Variants in KLHL1 observed in about 807,000 individuals in gnomAD.
KLHL1 encodes kelch-like protein 1.
In KLHL1, 47 loss-of-function variants were observed where a neutral mutation model predicts 77.7. The observed-to-expected ratio is 0.60, with a 90% CI of 0.48 to 0.77. The LOEUF is 0.77. KLHL1 is among the 30% of genes least tolerant of loss of function. KLHL1 has a pLI of 0.00. For synonymous variants in KLHL1, 360 were observed against 325.2 expected, an observed-to-expected ratio of 1.11 and a Z score of -1.15; for missense variants, 925 against 910.8, an observed-to-expected ratio of 1.02 and a Z score of -0.20.
intron 7 of KLHL1, among the ~76,000 whole-genome samples, chr13:69,768,168 C>T (rs537779421): frequency 6.6e-6 from 1 of 152,206 alleles, no homozygotes; most frequent in South Asian, 2.1e-4. Flanking sequence ...ATAGATCAAG[C>T]TTTCTTTAGC....
chr13:69,954,614 T>C (rs1319782906), intron 3 of KLHL1, among the ~76,000 whole-genome samples: 1 of 151,330 alleles, frequency 6.6e-6, no homozygotes, highest in African/African-American at 2.4e-5. Flanking sequence ...TACTCCTAAA[T>C]ATTAAAAGTC....
intron 7 of KLHL1, among the ~76,000 whole-genome samples, chr13:69,748,485 G>A (rs1345587827): frequency 6.6e-6 from 1 of 151,864 alleles, no homozygotes; most frequent in African/African-American, 2.4e-5. Context: ...ACAACATGGG[G>A]GAAACCGCCC....
At chr13:69,991,636 T>C (rs982122151) in intron 1 of KLHL1, among the ~76,000 whole-genome samples, 3 of 150,416 alleles carry the variant, frequency 2.0e-5, no homozygotes, top group Non-Finnish European at 4.4e-5. Context: ...AGACCAATAA[T>C]GAGCTCTGAA....
chr13:69,818,161 T>A (rs898730997), intron 6 of KLHL1, among the ~76,000 whole-genome samples: 3 of 151,648 alleles, frequency 2.0e-5, no homozygotes, highest in Admixed American at 2.0e-4. Context: ...TAGAAGTCCC[T>A]TGTCCAAACA....
At chr13:70,098,092 A>C (rs1887836229) in intron 1 of KLHL1, among the ~76,000 whole-genome samples, 1 of 151,768 alleles carries the variant, frequency 6.6e-6, no homozygotes, top group Non-Finnish European at 1.5e-5. Context: ...TTTTCTATCT[A>C]GTTTCATTAA....
chr13:70,084,040 C>T (rs890056071), intron 1 of KLHL1, among the ~76,000 whole-genome samples: 14 of 152,074 alleles, frequency 9.2e-5, no homozygotes, highest in Non-Finnish European at 1.9e-4. Context: ...ACAACATGTG[C>T]TTTATGAAAA....
rs552967803 is a variant in KLHL1 at position 69,870,165 on chromosome 13, T to C, written c.1227+12118A>G. ...TATTCTGCACACTTTACAAGAGGCA[T>C]GGCATGAGCATCTGCTTTAGGTAAG... On this transcript the variant is annotated intron_variant, in intron 5 of 10. Coordinates refer to ENST00000377844, the MANE Select transcript of KLHL1 (RefSeq NM_020866.3). Among the ~76,000 whole-genome samples the C allele has an allele frequency of 6.6e-5, 10 of 152,300 alleles. No homozygotes were observed. The East Asian group carries it at 9.7e-4, about 15-fold the overall frequency.
intron 1 of KLHL1, among the ~76,000 whole-genome samples, chr13:70,011,707 C>A (rs1885537343): frequency 6.6e-6 from 1 of 152,130 alleles, no homozygotes; most frequent in African/African-American, 2.4e-5. Context: ...TACAATATTT[C>A]TGGTTAGGAA....
At chr13:69,726,424 A>T (rs770294745) in intron 8 of KLHL1, among the ~76,000 whole-genome samples, 3 of 152,076 alleles carry the variant, frequency 2.0e-5, no homozygotes, top group Non-Finnish European at 4.4e-5. Flanking sequence ...CTGCCTTTCC[A>T]TGGGAAATAT....
intron 3 of KLHL1, among the ~76,000 whole-genome samples, chr13:69,952,133 A>G (rs1372690997): frequency 6.6e-6 from 1 of 151,480 alleles, no homozygotes; most frequent in Non-Finnish European, 1.5e-5. Context: ...CAAATAAAAT[A>G]GTAATTTGTA....
intron 1 of KLHL1, among the ~76,000 whole-genome samples, chr13:69,998,225 T>C (rs962373806): frequency 6.6e-6 from 1 of 152,064 alleles, no homozygotes; most frequent in East Asian, 1.9e-4. Context: ...ATTTTGGACA[T>C]GGTGTTCTGC....
intron 1 of KLHL1, among the ~76,000 whole-genome samples, chr13:70,036,183 T>C (rs567808031): frequency 2.4e-4 from 36 of 152,140 alleles, no homozygotes; most frequent in Non-Finnish European, 2.9e-4. Context: ...ACACCAGTTG[T>C]ATCTAGGTGG....
intron 7 of KLHL1, among the ~76,000 whole-genome samples, chr13:69,790,000 G>A (rs185497451): frequency 2.3e-4 from 35 of 152,042 alleles, no homozygotes; most frequent in East Asian, 7.8e-4. Flanking sequence ...CTCACCAGGC[G>A]TTCACCGAGA....
intron 10 of KLHL1, among the ~76,000 whole-genome samples, chr13:69,702,905 C>T (rs2137865185): frequency 6.6e-6 from 1 of 151,828 alleles, no homozygotes; most frequent in Admixed American, 6.6e-5. Context: ...TTCGTAATCA[C>T]ATCTTGTACT....
chr13:69,937,308 C>T (rs1276190748), intron 4 of KLHL1, among the ~76,000 whole-genome samples: 1 of 152,122 alleles, frequency 6.6e-6, no homozygotes, highest in Non-Finnish European at 1.5e-5. Context: ...GAATGAGAAA[C>T]ACTTAAAGAC....
At chr13:69,806,561 G>C (rs183569500) in intron 6 of KLHL1, among the ~76,000 whole-genome samples, 3 of 152,274 alleles carry the variant, frequency 2.0e-5, no homozygotes, top group Admixed American at 6.5e-5. Context: ...GGAACAGACT[G>C]ACAGCTGGAA....
At chr13:69,769,447 G>A (rs1179206096) in intron 7 of KLHL1, among the ~76,000 whole-genome samples, 1 of 152,142 alleles carries the variant, frequency 6.6e-6, no homozygotes, top group African/African-American at 2.4e-5. Context: ...GGCAGACAGG[G>A]ATGGGTCCCT....
In KLHL1 at chr13:69,788,342, A is replaced by C. The variant is rs1300492239; in HGVS notation, c.1639+8396T>G. Among the ~76,000 whole-genome samples, 4 of 152,140 alleles carry C rather than the reference A, an allele frequency of 2.6e-5. No homozygotes were observed. The South Asian group carries it at 8.3e-4, about 32-fold the overall frequency. On this transcript the variant is annotated intron_variant, in intron 7 of 10. Transcript: ENST00000377844. ...AATACTATGCAGCCATAAAAAATAA[A>C]GAGTTCACGTCCTTTGTAGGGACAT... is the stretch of plus-strand genomic sequence containing the variant.
intron 3 of KLHL1, among the ~76,000 whole-genome samples, chr13:69,955,795 C>A (rs1883846828): frequency 6.7e-6 from 1 of 148,460 alleles, no homozygotes; most frequent in South Asian, 2.1e-4. Context: ...AATGTGTGTG[C>A]AAGTGGATTC....
Sources: allele counts gnomAD v4.1 joint callset (sites outside exome capture counted in the v4.1 genomes callset), GRCh38; gene constraint gnomAD v4.1.1; transcripts MANE v1.5; gene names NCBI Gene and HGNC (gene_info 2026-07-23, HGNC 2026-07-21).